Variants in SNX25 observed in about 807,000 individuals in gnomAD.
SNX25 encodes the protein sorting nexin 25.
A neutral mutation model predicts 113.7 loss-of-function variants in SNX25; 62 were observed. That is an observed-to-expected ratio of 0.55 (90% CI 0.44 to 0.67). SNX25 has a LOEUF of 0.67. Among genes scored for constraint, SNX25 ranks in the 30% least tolerant of loss-of-function variants. SNX25 has a pLI of 0.00. For missense variants in SNX25, 1,014 were observed against 1,161.0 expected, an observed-to-expected ratio of 0.87 and a Z score of 1.84; for synonymous variants, 421 against 436.2, an observed-to-expected ratio of 0.97 and a Z score of 0.43.
intron 8 of SNX25, among the ~76,000 whole-genome samples, chr4:185,322,530 C>G (rs1373873266): frequency 6.6e-6 from 1 of 152,202 alleles, no homozygotes; most frequent in African/African-American, 2.4e-5. Flanking sequence ...TTGTAAGTCA[C>G]AAACTATATT....
At chr4:185,361,601 G>C (rs2095364290) in intron 16 of SNX25, among the ~76,000 whole-genome samples, 1 of 152,112 alleles carries the variant, frequency 6.6e-6, no homozygotes, top group African/African-American at 2.4e-5. Flanking sequence ...AGCCAGGCAT[G>C]GTGGCACGTG....
At chr4:185,316,668 C>T (rs1236091469) in intron 7 of SNX25, among the ~76,000 whole-genome samples, 1 of 152,178 alleles carries the variant, frequency 6.6e-6, no homozygotes, top group African/African-American at 2.4e-5. Context: ...ATTTACATAT[C>T]AGTTTACTTA....
intron 1 of SNX25, among the ~76,000 whole-genome samples, chr4:185,237,201 A>G (rs1240845565): frequency 6.6e-6 from 1 of 152,174 alleles, no homozygotes; most frequent in African/African-American, 2.4e-5. Flanking sequence ...CTCTCCCTAA[A>G]TGATAACCTC....
chr4:185,221,540 C>A (rs932046458), intron 1 of SNX25, among the ~76,000 whole-genome samples: 1 of 152,108 alleles, frequency 6.6e-6, no homozygotes, highest in Non-Finnish European at 1.5e-5. Flanking sequence ...CATGTCCCAC[C>A]TAGATGACTG....
chr4:185,367,651 C>G (rs1267156156), downstream of SNX25, among the ~76,000 whole-genome samples: 2 of 152,048 alleles, frequency 1.3e-5, no homozygotes, highest in East Asian at 1.9e-4. Flanking sequence ...TTTATTATGT[C>G]TAAATAGTGA....
At chr4:185,318,221 TGTAA>T (rs2095091008) in intron 7 of SNX25, among the ~76,000 whole-genome samples, 2 of 152,234 alleles carry the variant, frequency 1.3e-5, no homozygotes, top group South Asian at 4.1e-4. Flanking sequence ...AATTTCAAAA[TGTAA>T]GTTTTTATTT....
chr4:185,294,834 G>GA (rs1752636060), intron 6 of SNX25, among the ~76,000 whole-genome samples: 1 of 150,044 alleles, frequency 6.7e-6, no homozygotes, highest in Non-Finnish European at 1.5e-5. Flanking sequence ...TTTTTTTTAA[G>GA]AAAAAATAAG....
downstream of SNX25, among the ~76,000 whole-genome samples, chr4:185,371,310 C>T (rs527797476): frequency 3.9e-5 from 6 of 152,028 alleles, no homozygotes; most frequent in South Asian, 6.2e-4. Context: ...GAGGCCAAGG[C>T]AGGCGGATCA....
chr4:185,375,502 A>ATATATG, the SNX25 span: 11 of 78,330 alleles, frequency 1.4e-4, no homozygotes, highest in African/African-American at 6.9e-4. Flanking sequence ...ATATATATAT[A>ATATATG]TATATATATA....
At chr4:185,364,251 A>G (rs1349371162), downstream of SNX25, 2 of 152,166 alleles carry the variant, frequency 1.3e-5, no homozygotes, top group African/African-American at 4.8e-5. Flanking sequence ...GGGGGAGCGG[A>G]AAGAGGAGGG....
chr4:185,283,100 T>C (rs1453454013), intron 5 of SNX25, among the ~76,000 whole-genome samples: 1 of 152,212 alleles, frequency 6.6e-6, no homozygotes, highest in East Asian at 1.9e-4. Context: ...AAGTGCTGTG[T>C]CAGAAGGTCT....
chr4:185,302,923 T>TGG (rs1753917002), intron 6 of SNX25, among the ~76,000 whole-genome samples: 1 of 152,184 alleles, frequency 6.6e-6, no homozygotes, highest in Admixed American at 6.5e-5. Flanking sequence ...TGAAGGTCTG[T>TGG]GGGCTCGGGC....
chr4:185,229,676 C>T (rs915223415), intron 1 of SNX25, among the ~76,000 whole-genome samples: 11 of 152,112 alleles, frequency 7.2e-5, no homozygotes. Context: ...GCTGACTAAA[C>T]GCTACAGAAG....
At chr4:185,326,458 G>C (rs2095157944) in intron 9 of SNX25, among the ~76,000 whole-genome samples, 1 of 152,086 alleles carries the variant, frequency 6.6e-6, no homozygotes, top group African/African-American at 2.4e-5. Context: ...AATTGTTTAT[G>C]GATGACCAAA....
chr4:185,251,421 TA>T (rs1201067427), intron 2 of SNX25, among the ~76,000 whole-genome samples: 14 of 152,208 alleles, frequency 9.2e-5, no homozygotes, highest in African/African-American at 3.1e-4. Context: ...CAGCCTCTGG[TA>T]ACCACTGTTC....
At chr4:185,267,748 G>A (rs1748342087) in intron 5 of SNX25, among the ~76,000 whole-genome samples, 1 of 150,684 alleles carries the variant, frequency 6.6e-6, no homozygotes, top group Non-Finnish European at 1.5e-5. Flanking sequence ...AAAAAAAATT[G>A]ACTCTCCAAA....
In SNX25 at chr4:185,357,358, G is replaced by A. The variant is rs2095343791; in HGVS notation, c.2585-313G>A. Among the ~76,000 whole-genome samples the A allele has an allele frequency of 3.3e-5, 5 of 152,208 alleles. No individual in the cohort carries two copies. The South Asian group carries it at 1.0e-3, about 32-fold the overall frequency. Reference sequence around the variant, plus strand: ...AAAATAGGAATTACACTGTGTGGTGGTGGAAAACAGACACGTTGTCAATAG... The same window carrying A: ...AAAATAGGAATTACACTGTGTGGTGATGGAAAACAGACACGTTGTCAATAG... On this transcript the variant is annotated intron_variant, in intron 15 of 18. Transcript: ENST00000652585.
At chr4:185,347,898 A>G (rs1226188270) in intron 13 of SNX25, among the ~76,000 whole-genome samples, 1 of 151,996 alleles carries the variant, frequency 6.6e-6, no homozygotes, top group African/African-American at 2.4e-5. Flanking sequence ...CCCCCTTTCT[A>G]TGGATTGCCT....
chr4:185,230,392 A>ATTT (rs35035428), intron 1 of SNX25, among the ~76,000 whole-genome samples: 3 of 139,822 alleles, frequency 2.1e-5, no homozygotes, highest in Non-Finnish European at 3.1e-5. Flanking sequence ...AGGAATCATA[A>ATTT]TTTTTTTTTT....
Sources: allele counts gnomAD v4.1 joint callset (sites outside exome capture counted in the v4.1 genomes callset), GRCh38; gene constraint gnomAD v4.1.1; transcripts MANE v1.5; gene names NCBI Gene and HGNC (gene_info 2026-07-23, HGNC 2026-07-21).